The following ABCB1 variants were observed in gnomAD, a reference collection of about 807,000 sequenced individuals.
The protein encoded by ABCB1 is ATP binding cassette subfamily B member 1, also known as ATP-dependent translocase ABCB1.
ABCB1 carries 69 observed loss-of-function variants against 142.0 expected under a neutral mutation model. The observed-to-expected ratio is 0.49, with a 90% CI of 0.40 to 0.59. The LOEUF is 0.59. Among genes scored for constraint, ABCB1 ranks in the 20% least tolerant of loss-of-function variants. The probability of loss-of-function intolerance (pLI) is 0.00; values close to 1 mark genes in which losing one functional copy is unlikely to be tolerated. For missense variants in ABCB1, 1,326 were observed against 1,554.7 expected (o/e 0.85, Z 2.47); for synonymous variants, 532 against 539.2 (o/e 0.99, Z 0.18).
At chr7:87,555,546 A>T (rs1563050697) in intron 8 of ABCB1, among the ~76,000 whole-genome samples, 1 of 152,212 alleles carries the variant, frequency 6.6e-6, no homozygotes, top group Non-Finnish European at 1.5e-5. Flanking sequence ...AAAGCATGCC[A>T]AGTGAAATTT....
intron 3 of ABCB1, among the ~76,000 whole-genome samples, chr7:87,591,778 A>T (rs1819010005): frequency 6.6e-6 from 1 of 152,192 alleles, no homozygotes; most frequent in East Asian, 1.9e-4. Flanking sequence ...ATGAAACTCA[A>T]ATGACAAAGG....
chr7:87,521,047 G>C, intron 21 of ABCB1, 171 bp from the exon 22 acceptor site: 1 of 607,546 alleles, frequency 1.6e-6, no homozygotes, highest in Non-Finnish European at 2.9e-6. Flanking sequence ...ACTGAGTTAT[G>C]GATCTGGAAG....
intron 1 of ABCB1, among the ~76,000 whole-genome samples, chr7:87,673,912 T>A (rs1270214594): frequency 6.6e-6 from 1 of 151,980 alleles, no homozygotes; most frequent in Non-Finnish European, 1.5e-5. Context: ...TGCCCTTGGG[T>A]GTTTGATTGT....
At chr7:87,663,453 G>A (rs571364338) in intron 1 of ABCB1, among the ~76,000 whole-genome samples, 20 of 151,752 alleles carry the variant, frequency 1.3e-4, no homozygotes, top group South Asian at 8.3e-4. Context: ...TTCTTCTACC[G>A]CTACTATGTA....
chr7:87,702,311 C>T (rs1829161605), intron 1 of ABCB1, among the ~76,000 whole-genome samples: 1 of 151,466 alleles, frequency 6.6e-6, no homozygotes, highest in African/African-American at 2.4e-5. Context: ...CAGGGTCTTG[C>T]TCTGTTGCCC....
intron 1 of ABCB1, among the ~76,000 whole-genome samples, chr7:87,621,706 T>C (rs1482481911): frequency 6.6e-6 from 1 of 152,086 alleles, no homozygotes; most frequent in African/African-American, 2.4e-5. Context: ...TGAGAAAATA[T>C]ATTGACTGTG....
intron 2 of ABCB1, 130 bp downstream of exon 2, chr7:87,599,987 A>C: frequency 1.1e-6 from 1 of 906,730 alleles, no homozygotes; most frequent in Non-Finnish European, 1.7e-6. Flanking sequence ...ATTGATTCCA[A>C]AGGCTAGCTT....
Position 87,544,182 on chromosome 7 carries a change from T to C in ABCB1, c.2158A>G (p.Ile720Val), listed in dbSNP as rs1020594116. ...YFVVGVFCAI[I>V]NGGLQPAFAI... is the part of the protein sequence containing the mutation. Reference sequence around the variant, plus strand: ...AATGCTGGTTGCAGGCCTCCATTTATAATGGCACAAAATACACCAACAACA... The same window carrying C: ...AATGCTGGTTGCAGGCCTCCATTTACAATGGCACAAAATACACCAACAACA... The change falls in exon 17 of 28, where the codon ATA becomes GTA. Residue 720 changes from isoleucine to valine, a missense_variant. Ile to Val is a conservative substitution (Grantham distance 29, BLOSUM62 3). Coordinates refer to ENST00000622132, the MANE Select transcript of ABCB1 (RefSeq NM_001348946.2). 1.2e-6 allele frequency: 2 copies of C among 1,613,998 alleles called. No individual in the cohort carries two copies. Among genetic ancestry groups the C allele is most frequent in the Admixed American group, 1.7e-5 (1 of 60,018 alleles).
chr7:87,621,120 C>G (rs918183783), intron 1 of ABCB1, among the ~76,000 whole-genome samples: 1 of 152,022 alleles, frequency 6.6e-6, no homozygotes. Flanking sequence ...ATTAGAATCC[C>G]TATAGGCTTT....
At chr7:87,562,850 A>T (rs1817620696) in intron 7 of ABCB1, among the ~76,000 whole-genome samples, 1 of 151,966 alleles carries the variant, frequency 6.6e-6, no homozygotes, top group East Asian at 1.9e-4. Context: ...CTATAGTCCC[A>T]GGACTTTGGG....
chr7:87,642,808 G>A (rs1034714919), intron 1 of ABCB1, among the ~76,000 whole-genome samples: 1 of 152,056 alleles, frequency 6.6e-6, no homozygotes, highest in African/African-American at 2.4e-5. Context: ...TAATAATATA[G>A]TATTTCCATT....
At chr7:87,591,744 T>C (rs890589038) in intron 3 of ABCB1, among the ~76,000 whole-genome samples, 1 of 151,324 alleles carries the variant, frequency 6.6e-6, no homozygotes, top group Non-Finnish European at 1.5e-5. Flanking sequence ...CGAAAATAGA[T>C]AGAAGATAGT....
At chr7:87,705,639 CTT>C (rs1829515907) in intron 1 of ABCB1, among the ~76,000 whole-genome samples, 1 of 152,160 alleles carries the variant, frequency 6.6e-6, no homozygotes, top group South Asian at 2.1e-4. Flanking sequence ...GAACATGAGA[CTT>C]TTATTACATA....
chr7:87,559,909 T>C (rs1214158542), intron 8 of ABCB1, among the ~76,000 whole-genome samples: 1 of 152,226 alleles, frequency 6.6e-6, no homozygotes, highest in East Asian at 1.9e-4. Context: ...GTCCACCTTT[T>C]CTCTGAGGAA....
intron 1 of ABCB1, among the ~76,000 whole-genome samples, chr7:87,618,741 G>T (rs28381772): frequency 0.048 from 7,333 of 152,242 alleles, 261 homozygotes; most frequent in East Asian, 0.091. Context: ...GATTATCTAG[G>T]TAGGCGAAAT....
intron 1 of ABCB1, among the ~76,000 whole-genome samples, chr7:87,647,912 C>T (rs574125930): frequency 2.8e-4 from 43 of 152,002 alleles, no homozygotes; most frequent in Non-Finnish European, 4.6e-4. Flanking sequence ...AGGCCAGGCA[C>T]GGTGGCTCAT....
At chr7:87,708,330 A>G (rs1423968023) in intron 1 of ABCB1, among the ~76,000 whole-genome samples, 2 of 152,168 alleles carry the variant, frequency 1.3e-5, no homozygotes, top group African/African-American at 2.4e-5. Flanking sequence ...TCTCACAGAC[A>G]TTAAAAATCC....
chr7:87,547,274 CAGA>C (rs908595314), intron 14 of ABCB1, among the ~76,000 whole-genome samples: 2 of 151,994 alleles, frequency 1.3e-5, no homozygotes, highest in Admixed American at 1.3e-4. Flanking sequence ...CTAGAAAATA[CAGA>C]AGAAAATAGA....
intron 26 of ABCB1, among the ~76,000 whole-genome samples, chr7:87,506,483 A>T (rs1242860863): frequency 6.6e-6 from 1 of 152,206 alleles, no homozygotes; most frequent in Non-Finnish European, 1.5e-5. Context: ...CATTCTTGGG[A>T]TATCAGCCTT....
Sources: allele counts gnomAD v4.1 joint callset (sites outside exome capture counted in the v4.1 genomes callset), GRCh38; gene constraint gnomAD v4.1.1; transcripts MANE v1.5; gene names NCBI Gene and HGNC (gene_info 2026-07-23, HGNC 2026-07-21).